MTMR2: variants seen among roughly 807,000 people sequenced by gnomAD.
MTMR2 encodes phosphatidylinositol-3,5-bisphosphate 3-phosphatase MTMR2.
MTMR2 carries 55 observed loss-of-function variants against 86.9 expected under a neutral mutation model. The observed-to-expected ratio is 0.63, with a 90% CI of 0.51 to 0.79. The LOEUF is 0.79. MTMR2 is among the 30% of genes least tolerant of loss of function. The probability of loss-of-function intolerance (pLI) is 0.00; values close to 1 mark genes in which losing one functional copy is unlikely to be tolerated. For synonymous variants in MTMR2, 241 were observed against 266.8 expected (o/e 0.90, Z 0.94); for missense variants, 659 against 772.3 (o/e 0.85, Z 1.74).
intron 14 of MTMR2, 133 bp downstream of exon 14, chr11:95,836,015 A>G: frequency 1.1e-6 from 1 of 914,466 alleles, no homozygotes; most frequent in Non-Finnish European, 1.8e-6. Flanking sequence ...TTTTTCTACT[A>G]TACGATTGTT....
intron 11 of MTMR2, among the ~76,000 whole-genome samples, chr11:95,842,993 T>C (rs1456534767): frequency 6.6e-6 from 1 of 152,140 alleles, no homozygotes; most frequent in Non-Finnish European, 1.5e-5. Context: ...TGCTACTGCA[T>C]GTAGTATGGT....
intron 12 of MTMR2, among the ~76,000 whole-genome samples, chr11:95,838,659 T>C (rs1157804178): frequency 6.6e-6 from 1 of 152,066 alleles, no homozygotes; most frequent in African/African-American, 2.4e-5. Context: ...CTATTAAATA[T>C]TTAGATGGTG....
intron 1 of MTMR2, among the ~76,000 whole-genome samples, chr11:95,895,567 T>C (rs1205093666): frequency 2.6e-5 from 4 of 152,148 alleles, no homozygotes; most frequent in East Asian, 1.9e-4. Context: ...CACACTATAC[T>C]GTCTATAATA....
rs951406598 is a variant in MTMR2 at position 95,842,097 on chromosome 11, A to G, written c.1387-388T>C. On this transcript the variant is annotated intron_variant, in intron 11 of 14. Transcript: ENST00000346299. ...GACAGCAAGGCCCTGTCTCAAATAC[A>G]TAAAAATTTTCAGAAAGTCTTTTAA... is the stretch of plus-strand genomic sequence containing the variant. Among the ~76,000 whole-genome samples, 10 of 152,204 alleles carry G rather than the reference A, an allele frequency of 6.6e-5. No individual in the cohort carries two copies. The East Asian group carries it at 1.7e-3, about 26-fold the overall frequency.
rs924255774 is a variant in MTMR2 at position 95,848,509 on chromosome 11, GAA to G, written c.994-612_994-611del. Reference sequence around the variant, plus strand: ...AATCTACATCTACAAAATAGAATGAGAAAATATTTGGTGTTCAAAATAAGCTA... The same window carrying G: ...AATCTACATCTACAAAATAGAATGAGAATATTTGGTGTTCAAAATAAGCTA... On this transcript the variant is annotated intron_variant, in intron 9 of 14. Coordinates refer to ENST00000346299, the MANE Select transcript of MTMR2 (RefSeq NM_016156.6). Among the ~76,000 whole-genome samples, 7 of 152,236 alleles carry G rather than the reference GAA, an allele frequency of 4.6e-5. No individual in the cohort carries two copies. The East Asian group carries it at 1.3e-3, about 29-fold the overall frequency.
intron 1 of MTMR2, among the ~76,000 whole-genome samples, chr11:95,917,527 G>A (rs1436478629): frequency 6.6e-6 from 1 of 152,080 alleles, no homozygotes; most frequent in Non-Finnish European, 1.5e-5. Context: ...CTTCAACGCA[G>A]CTGAAAATCC....
chr11:95,877,173 T>C (rs978735248), intron 2 of MTMR2, among the ~76,000 whole-genome samples: 4 of 152,162 alleles, frequency 2.6e-5, no homozygotes, highest in African/African-American at 9.7e-5. Context: ...AATTATACTT[T>C]ATTCTATTTT....
intron 2 of MTMR2, among the ~76,000 whole-genome samples, chr11:95,867,076 TCTA>T (rs1263625106): frequency 1.3e-5 from 2 of 152,194 alleles, no homozygotes; most frequent in African/African-American, 4.8e-5. Context: ...TGCTAATAAT[TCTA>T]CTAATTATGA....
At chr11:95,882,532 A>G (rs1281243667) in intron 2 of MTMR2, 1 of 132,430 alleles carries the variant, frequency 7.6e-6, no homozygotes, top group Non-Finnish European at 1.7e-5. Context: ...ATAAAATAAA[A>G]TAATTTCTGG....
chr11:95,892,934 A>T (rs1323329991), intron 1 of MTMR2, among the ~76,000 whole-genome samples: 1 of 152,134 alleles, frequency 6.6e-6, no homozygotes, highest in Non-Finnish European at 1.5e-5. Flanking sequence ...CACATGTAAC[A>T]ACGCCCAAAG....
intron 2 of MTMR2, among the ~76,000 whole-genome samples, chr11:95,877,006 T>A (rs555732239): frequency 6.6e-6 from 1 of 151,832 alleles, no homozygotes; most frequent in East Asian, 1.9e-4. Context: ...AAACACTAAA[T>A]AATAATCACC....
At chr11:95,906,317 G>A (rs1866274047) in intron 1 of MTMR2, among the ~76,000 whole-genome samples, 1 of 152,044 alleles carries the variant, frequency 6.6e-6, no homozygotes, top group African/African-American at 2.4e-5. Flanking sequence ...TTATAAAATG[G>A]GTAAAGGATT....
At position 95,882,258 on chromosome 11, in the gene MTMR2, G is replaced by C. The variant is rs544746959; in HGVS notation, c.186+5898C>G. The C allele has an allele frequency of 6.6e-5, 10 of 151,990 alleles. No individual in the cohort carries two copies. The East Asian group carries it at 1.8e-3, about 27-fold the overall frequency. The allele number at this position is 151,990 out of a possible 1,614,324, so 9.4% of individuals were successfully genotyped here. A position where few individuals can be genotyped will look rare whatever the true frequency, so the allele number is the denominator to read the frequency against. On this transcript the variant is annotated intron_variant, in intron 2 of 14. Coordinates refer to ENST00000346299, the MANE Select transcript of MTMR2 (RefSeq NM_016156.6). Reference sequence around the variant, plus strand: ...CACGCCTGTAATCCCAACACTCTCGGGGGGGCCGAGGTGGGCGGATCATGA... The same window carrying C: ...CACGCCTGTAATCCCAACACTCTCGCGGGGGCCGAGGTGGGCGGATCATGA...
At chr11:95,881,732 T>A (rs1865329182) in intron 2 of MTMR2, among the ~76,000 whole-genome samples, 1 of 152,172 alleles carries the variant, frequency 6.6e-6, no homozygotes, top group Non-Finnish European at 1.5e-5. Context: ...TGTATATAGA[T>A]TTTCTCAGAT....
At position 95,865,656 on chromosome 11, in the gene MTMR2, C is replaced by T. The variant is rs781255270; in HGVS notation, c.207G>A (p.Lys69=). ...PDLRVLRESN[K]LAEMEEPPLL... ...AGGGTGGTTCTTCCATTTCTGCTAA[C>T]TTGTTAGACTCCCTCAGGACCTGGG... Residue 69 remains lysine (K), a synonymous_variant, in exon 3 of 15, where the codon AAG becomes AAA. Transcript: ENST00000346299. 1 of 1,613,852 alleles carries T rather than the reference C, an allele frequency of 6.2e-7. No homozygotes were observed. Among genetic ancestry groups the T allele is most frequent in the East Asian group, 2.2e-5 (1 of 44,876 alleles).
At chr11:95,846,095 A>G (rs897853587) in intron 10 of MTMR2, among the ~76,000 whole-genome samples, 1 of 152,172 alleles carries the variant, frequency 6.6e-6, no homozygotes, top group South Asian at 2.1e-4. Flanking sequence ...ACTATATATC[A>G]AGAGTCATTT....
chr11:95,903,094 A>G (rs938276050), intron 1 of MTMR2, among the ~76,000 whole-genome samples: 1 of 152,144 alleles, frequency 6.6e-6, no homozygotes, highest in East Asian at 1.9e-4. Context: ...CTCTTCCGCA[A>G]TGATCTTGTC....
At chr11:95,852,510 C>T (rs1864058391) in intron 7 of MTMR2, among the ~76,000 whole-genome samples, 1 of 152,306 alleles carries the variant, frequency 6.6e-6, no homozygotes, top group Middle Eastern at 3.4e-3. Context: ...TTATCCCTAA[C>T]TGTTCTTTCA....
intron 3 of MTMR2, among the ~76,000 whole-genome samples, chr11:95,863,185 A>G (rs1465920084): frequency 6.6e-6 from 1 of 152,244 alleles, no homozygotes. Context: ...ACACCAAATC[A>G]GCAGATAAAG....
Sources: allele counts gnomAD v4.1 joint callset (sites outside exome capture counted in the v4.1 genomes callset), GRCh38; gene constraint gnomAD v4.1.1; transcripts MANE v1.5; gene names NCBI Gene and HGNC (gene_info 2026-07-23, HGNC 2026-07-21).